TNIK: variants seen among roughly 807,000 people sequenced by gnomAD.
TNIK encodes TRAF2 and NCK-interacting protein kinase.
TNIK carries 49 observed loss-of-function variants against 191.3 expected under a neutral mutation model. That is an observed-to-expected ratio of 0.26 (90% CI 0.20 to 0.32). TNIK has a LOEUF of 0.32. TNIK is among the 10% of genes least tolerant of loss of function. The pLI is 1.00. For synonymous variants in TNIK, 594 were observed against 600.9 expected, an observed-to-expected ratio of 0.99 and a Z score of 0.17; for missense variants, 1,155 against 1,702.3, an observed-to-expected ratio of 0.68 and a Z score of 5.66.
intron 2 of TNIK, among the ~76,000 whole-genome samples, chr3:171,233,218 C>T (rs753303741): frequency 1.3e-5 from 2 of 152,172 alleles, no homozygotes; most frequent in Non-Finnish European, 1.5e-5. Flanking sequence ...AAGTCGTCTT[C>T]AATTTCCTAA....
At chr3:171,388,836 T>C (rs1719077076) in intron 1 of TNIK, among the ~76,000 whole-genome samples, 1 of 152,232 alleles carries the variant, frequency 6.6e-6, no homozygotes, top group Non-Finnish European at 1.5e-5. Context: ...ATTGTAACTA[T>C]GTGTTTAAGT....
At chr3:171,076,459 C>G (rs1254430392) in intron 28 of TNIK, among the ~76,000 whole-genome samples, 2 of 152,178 alleles carry the variant, frequency 1.3e-5, no homozygotes, top group African/African-American at 4.8e-5. Flanking sequence ...ACCCACTTGA[C>G]TGGTTAAAAT....
intron 2 of TNIK, among the ~76,000 whole-genome samples, chr3:171,329,651 C>T (rs1040248270): frequency 2.6e-5 from 4 of 152,054 alleles, no homozygotes; most frequent in African/African-American, 9.7e-5. Flanking sequence ...AGAATAAATG[C>T]CTTTTTATTT....
chr3:171,296,746 T>A (rs1752326434), intron 2 of TNIK, among the ~76,000 whole-genome samples: 1 of 152,200 alleles, frequency 6.6e-6, no homozygotes, highest in Non-Finnish European at 1.5e-5. Flanking sequence ...TTCTATCCAC[T>A]CTCTTGATTG....
At chr3:171,341,614 C>G (rs1433562999) in intron 2 of TNIK, among the ~76,000 whole-genome samples, 1 of 150,208 alleles carries the variant, frequency 6.7e-6, no homozygotes, top group East Asian at 2.0e-4. Flanking sequence ...GCAGATGTGG[C>G]AGAAAGCCCA....
intron 1 of TNIK, among the ~76,000 whole-genome samples, chr3:171,403,003 T>G (rs1247537665): frequency 6.6e-6 from 1 of 152,136 alleles, no homozygotes; most frequent in East Asian, 1.9e-4. Context: ...TTCCTTTCTC[T>G]GAAAGCTACT....
intron 6 of TNIK, among the ~76,000 whole-genome samples, 193 bp downstream of exon 6, chr3:171,190,504 A>T (rs1737916405): frequency 6.6e-6 from 1 of 152,232 alleles, no homozygotes; most frequent in Non-Finnish European, 1.5e-5. Flanking sequence ...CTGTTCCCAC[A>T]TTATATATAA....
At chr3:171,447,178 T>G (rs567711852) in intron 1 of TNIK, among the ~76,000 whole-genome samples, 1 of 152,076 alleles carries the variant, frequency 6.6e-6, no homozygotes, top group South Asian at 2.1e-4. Context: ...GTAACAGAGC[T>G]AGACTCCATC....
Position 171,438,867 on chromosome 3 carries a change from C to T in TNIK, c.57+21140G>A, listed in dbSNP as rs185405816. The stretch of plus-strand genomic sequence containing the variant: ...TTTGGACTCCACGCTCCAGGTTCAA[C>T]CCCAGCCTCATTCCAACCCTGTCAA... On this transcript the variant is annotated intron_variant, in intron 1 of 32. Transcript: ENST00000436636. 2.3e-3 allele frequency among the ~76,000 whole-genome samples: 350 copies of T among 152,272 alleles called. 2 individuals are homozygous for T. The highest frequency in any genetic ancestry group is 8.0e-3 in the African/African-American group (333 of 41,550).
chr3:171,298,589 A>C (rs925804944), intron 2 of TNIK, among the ~76,000 whole-genome samples: 1 of 152,138 alleles, frequency 6.6e-6, no homozygotes, highest in Non-Finnish European at 1.5e-5. Flanking sequence ...GTCCTTTCTT[A>C]TCATGGTGAA....
chr3:171,097,770 C>A (rs115062419), intron 22 of TNIK, among the ~76,000 whole-genome samples: 15 of 152,102 alleles, frequency 9.9e-5, no homozygotes, highest in Non-Finnish European at 1.5e-4. Flanking sequence ...CATAGCAGTA[C>A]GAAAATGGAC....
Position 171,194,562 on chromosome 3 carries a change from T to G in TNIK, c.380A>C (p.Glu127Ala). The G allele has an allele frequency of 6.2e-7, 1 of 1,613,956 alleles. No homozygotes were observed. Among genetic ancestry groups the G allele is most frequent in the Non-Finnish European group, 8.5e-7 (1 of 1,179,866 alleles). The change falls in exon 5 of 33, where the codon GAG becomes GCG. Residue 127 changes from glutamate to alanine, a missense_variant. Physicochemically the swap from Glu to Ala is moderately radical, Grantham distance 107 (BLOSUM62 -1). Around this residue, in one of 3 missense-constraint regions of TNIK, gnomAD observed 225 missense variants for 438.9 expected, o/e 0.51. Transcript: ENST00000436636. Reference sequence around the variant, plus strand: ...CCTGCAGATGTATGCAATCCACTCCTCTTTCAACGTGTTACCTTTTGTGTT... The same window carrying G: ...CCTGCAGATGTATGCAATCCACTCCGCTTTCAACGTGTTACCTTTTGTGTT... ...IKNTKGNTLK[E>A]EWIAYICREI...
chr3:171,403,655 G>A (rs1443351763), intron 1 of TNIK, among the ~76,000 whole-genome samples: 11 of 146,962 alleles, frequency 7.5e-5, no homozygotes, highest in African/African-American at 2.8e-4. Flanking sequence ...GGGGTGAATA[G>A]AAATAGATCC....
chr3:171,422,795 G>A (rs1724000249), intron 1 of TNIK, among the ~76,000 whole-genome samples: 1 of 152,214 alleles, frequency 6.6e-6, no homozygotes, highest in South Asian at 2.1e-4. Context: ...TCATTAGTGA[G>A]TTCTCATTAG....
intron 32 of TNIK, among the ~76,000 whole-genome samples, chr3:171,064,413 G>C (rs772453979): frequency 6.6e-6 from 1 of 152,184 alleles, no homozygotes; most frequent in African/African-American, 2.4e-5. Context: ...TCAAAGTCAA[G>C]GGGGAGTTTT....
At chr3:171,456,801 T>C (rs2108744979) in intron 1 of TNIK, among the ~76,000 whole-genome samples, 2 of 152,358 alleles carry the variant, frequency 1.3e-5, no homozygotes, top group Middle Eastern at 6.8e-3. Context: ...CTGCTATTCT[T>C]TTGTACTCAG....
At chr3:171,424,440 C>G (rs996927299) in intron 1 of TNIK, among the ~76,000 whole-genome samples, 1 of 152,134 alleles carries the variant, frequency 6.6e-6, no homozygotes, top group Non-Finnish European at 1.5e-5. Flanking sequence ...CCTCAGGGAT[C>G]TAGAACTAGA....
At chr3:171,202,716 G>A (rs1240771075) in intron 4 of TNIK, among the ~76,000 whole-genome samples, 1 of 152,168 alleles carries the variant, frequency 6.6e-6, no homozygotes, top group Admixed American at 6.5e-5. Flanking sequence ...CAGTTGCAAG[G>A]TATTAAGTTA....
At chr3:171,153,862 A>G (rs1732797923) in intron 12 of TNIK, among the ~76,000 whole-genome samples, 1 of 152,108 alleles carries the variant, frequency 6.6e-6, no homozygotes, top group African/African-American at 2.4e-5. Flanking sequence ...CTCTTTTAGC[A>G]TGCCACTCTC....
Sources: allele counts gnomAD v4.1 joint callset (sites outside exome capture counted in the v4.1 genomes callset), GRCh38; gene constraint gnomAD v4.1.1; regional missense constraint gnomAD v4.1.1; transcripts MANE v1.5; gene names NCBI Gene and HGNC (gene_info 2026-07-23, HGNC 2026-07-21).